DSCAM: variants seen among roughly 807,000 people sequenced by gnomAD.
DSCAM encodes the protein DS cell adhesion molecule, also known as cell adhesion molecule DSCAM.
Under a neutral mutation model 217.7 loss-of-function variants are expected in DSCAM, and 47 were observed. The observed-to-expected ratio is 0.22, with a 90% CI of 0.17 to 0.28. The LOEUF is 0.28. Among genes scored for constraint, DSCAM ranks in the 10% least tolerant of loss-of-function variants. The pLI is 1.00. For missense variants in DSCAM, 2,080 were observed against 2,618.3 expected, an observed-to-expected ratio of 0.79 and a Z score of 4.49; for synonymous variants, 1,056 against 1,015.3, an observed-to-expected ratio of 1.04 and a Z score of -0.76.
intron 1 of DSCAM, among the ~76,000 whole-genome samples, chr21:40,833,508 T>C (rs2092029159): frequency 6.6e-6 from 1 of 152,182 alleles, no homozygotes; most frequent in Non-Finnish European, 1.5e-5. Flanking sequence ...AATTTAATCA[T>C]CTGATCAAAC....
At chr21:40,595,514 G>A (rs2077014956) in intron 3 of DSCAM, among the ~76,000 whole-genome samples, 1 of 150,100 alleles carries the variant, frequency 6.7e-6, no homozygotes, top group South Asian at 2.2e-4. Flanking sequence ...ATTCGAAGGT[G>A]TGCAAAAGAC....
At chr21:40,476,769 G>A (rs909290977) in intron 3 of DSCAM, among the ~76,000 whole-genome samples, 4 of 152,106 alleles carry the variant, frequency 2.6e-5, no homozygotes, top group Non-Finnish European at 5.9e-5. Flanking sequence ...TGTAGGCTAT[G>A]TTATACAGTG....
At chr21:40,759,748 G>A (rs1362802572) in intron 1 of DSCAM, among the ~76,000 whole-genome samples, 4 of 152,090 alleles carry the variant, frequency 2.6e-5, no homozygotes, top group African/African-American at 4.8e-5. Context: ...ATCATCCCAT[G>A]AGCCTGCCCC....
At chr21:40,714,164 G>A (rs374799480) in intron 1 of DSCAM, among the ~76,000 whole-genome samples, 9 of 152,260 alleles carry the variant, frequency 5.9e-5, no homozygotes, top group East Asian at 1.9e-4. Flanking sequence ...AGGTGGAGCC[G>A]GCACAAAGAG....
At chr21:40,080,429 AC>A (rs1276110602) in intron 24 of DSCAM, 89 bp from the exon 25 acceptor site, 2 of 1,154,130 alleles carry the variant, frequency 1.7e-6, no homozygotes, top group East Asian at 5.3e-5. Flanking sequence ...GGGTAATAGA[AC>A]GAGCATTCTC....
At chr21:40,532,504 C>A (rs1321971099) in intron 3 of DSCAM, among the ~76,000 whole-genome samples, 1 of 152,046 alleles carries the variant, frequency 6.6e-6, no homozygotes, top group Non-Finnish European at 1.5e-5. Flanking sequence ...GTAATGAAAG[C>A]TATAGGGAAA....
At position 40,085,810 on chromosome 21, in the gene DSCAM, C is replaced by T. The variant is rs1248332263; in HGVS notation, c.3969-45G>A. ...ATGCACAGATTAAAGAAATTACAAT[C>T]CAAATTAGCTGAGGTTGGGGAAAAA... On this transcript the variant is annotated intron_variant, in intron 22 of 32. Coordinates refer to ENST00000400454, the MANE Select transcript of DSCAM (RefSeq NM_001389.5). 5 of 1,406,998 alleles carry T rather than the reference C, an allele frequency of 3.6e-6. No individual in the cohort carries two copies. In the Admixed American group the frequency reaches 7.2e-5, roughly 20 times the overall value. The allele number at this position is 1,406,998 out of a possible 1,614,324, so 87.2% of individuals were successfully genotyped here. A position where few individuals can be genotyped will look rare whatever the true frequency, so the allele number is the denominator to read the frequency against.
At chr21:40,568,061 T>C (rs527548895) in intron 3 of DSCAM, among the ~76,000 whole-genome samples, 2 of 152,214 alleles carry the variant, frequency 1.3e-5, no homozygotes, top group South Asian at 2.1e-4. Context: ...AATCAGTATG[T>C]TTTCCTGTCT....
At chr21:40,109,986 T>G (rs1055135488) in intron 20 of DSCAM, among the ~76,000 whole-genome samples, 15 of 152,152 alleles carry the variant, frequency 9.9e-5, no homozygotes, top group Non-Finnish European at 1.3e-4. Flanking sequence ...ACTCCACCTC[T>G]GGGGGCAGGG....
chr21:40,182,342 A>G (rs2090814650), intron 14 of DSCAM, among the ~76,000 whole-genome samples: 1 of 152,026 alleles, frequency 6.6e-6, no homozygotes, highest in Non-Finnish European at 1.5e-5. Context: ...TGGGAAGACC[A>G]AGAGAGGAGA....
Position 40,158,495 on chromosome 21 carries a change from C to A in DSCAM, c.3018+8723G>T, listed in dbSNP as rs1039405892. ...TTCCCTGTTAGGAATGTGCTAGAAGCATTCAGACCAAGGGCCCCTGTGAAC... is the reference window on the plus strand; with the variant it reads ...TTCCCTGTTAGGAATGTGCTAGAAGAATTCAGACCAAGGGCCCCTGTGAAC... On this transcript the variant is annotated intron_variant, in intron 16 of 32. Coordinates refer to ENST00000400454, the MANE Select transcript of DSCAM (RefSeq NM_001389.5). 3.3e-5 allele frequency among the ~76,000 whole-genome samples: 5 copies of A among 152,212 alleles called. 1 individual carries two copies. The highest frequency in any genetic ancestry group is 4.4e-5 in the Non-Finnish European group (3 of 68,036).
At chr21:40,250,375 G>C (rs2073286372) in intron 11 of DSCAM, among the ~76,000 whole-genome samples, 1 of 152,166 alleles carries the variant, frequency 6.6e-6, no homozygotes, top group Non-Finnish European at 1.5e-5. Context: ...TATCAAGACA[G>C]GAAGACATAA....
chr21:40,182,651 T>C (rs1216391300), intron 14 of DSCAM, among the ~76,000 whole-genome samples: 23 of 95,354 alleles, frequency 2.4e-4, no homozygotes, highest in Admixed American at 1.6e-3. Flanking sequence ...AGGAGGGGGT[T>C]ACCAGAGAAA....
intron 20 of DSCAM, among the ~76,000 whole-genome samples, chr21:40,094,972 A>G (rs2089657976): frequency 6.6e-6 from 1 of 152,236 alleles, no homozygotes; most frequent in African/African-American, 2.4e-5. Flanking sequence ...TGTCACAGCG[A>G]TACCATGGAG....
intron 3 of DSCAM, 58 bp downstream of exon 3, chr21:40,692,752 A>C: frequency 1.3e-6 from 2 of 1,560,728 alleles, no homozygotes; most frequent in Non-Finnish European, 1.8e-6. Flanking sequence ...TCCATCTCTG[A>C]AATAACCTTT....
chr21:40,649,054 A>C (rs2089983786), intron 3 of DSCAM, among the ~76,000 whole-genome samples: 1 of 152,212 alleles, frequency 6.6e-6, no homozygotes, highest in Non-Finnish European at 1.5e-5. Flanking sequence ...AAAGTGGCTG[A>C]GAAAAATTCT....
intron 3 of DSCAM, among the ~76,000 whole-genome samples, chr21:40,577,826 G>C (rs917830650): frequency 1.3e-5 from 2 of 152,104 alleles, no homozygotes; most frequent in African/African-American, 2.4e-5. Flanking sequence ...TGATAGACTC[G>C]GGGCTTTGGG....
chr21:40,722,362 A>G (rs756596497), intron 1 of DSCAM, among the ~76,000 whole-genome samples: 1 of 152,164 alleles, frequency 6.6e-6, no homozygotes, highest in African/African-American at 2.4e-5. Context: ...GATAAAATGA[A>G]TAACAATATT....
intron 18 of DSCAM, among the ~76,000 whole-genome samples, chr21:40,138,809 TGTGTGTACGTGTG>T (rs1057385078): frequency 6.9e-6 from 1 of 144,748 alleles, no homozygotes; most frequent in Non-Finnish European, 1.5e-5. Flanking sequence ...GTATGTGTGG[TGTGTGTACGTGTG>T]GTGTGGTGTG....
Sources: allele counts gnomAD v4.1 joint callset (sites outside exome capture counted in the v4.1 genomes callset), GRCh38; gene constraint gnomAD v4.1.1; transcripts MANE v1.5; gene names NCBI Gene and HGNC (gene_info 2026-07-23, HGNC 2026-07-21).